Variants in ENTREP2 observed in about 807,000 individuals in gnomAD.
ENTREP2 encodes the protein endosomal transmembrane epsin interactor 2.
the ENTREP2 span, among the ~76,000 whole-genome samples, chr15:29,284,194 C>G: frequency 6.6e-6 from 1 of 152,148 alleles, no homozygotes; most frequent in East Asian, 1.9e-4. Flanking sequence ...TACAAAGCTG[C>G]TGAATTTCCA....
chr15:29,225,885 C>T, the ENTREP2 span, among the ~76,000 whole-genome samples: 1 of 152,222 alleles, frequency 6.6e-6, no homozygotes, highest in Admixed American at 6.5e-5. Flanking sequence ...GAGGTATTGG[C>T]CACGTCCACC....
chr15:29,256,593 A>G, the ENTREP2 span, among the ~76,000 whole-genome samples: 1 of 152,210 alleles, frequency 6.6e-6, no homozygotes. Context: ...TCTACCAGAA[A>G]TAGTCAAATT....
chr15:29,287,383 C>T, the ENTREP2 span, among the ~76,000 whole-genome samples: 566 of 113,042 alleles, frequency 5.0e-3, 4 homozygotes, highest in African/African-American at 0.021. Flanking sequence ...GCAAGACCAG[C>T]AAAAAAAAAA....
chr15:29,356,296 ATTTTTTTTTTTT>A, the ENTREP2 span, among the ~76,000 whole-genome samples: 142 of 34,376 alleles, frequency 4.1e-3, no homozygotes, highest in Non-Finnish European at 6.2e-3. Flanking sequence ...ATATATATAT[ATTTTTTTTTTTT>A]TTTTTTTTTT....
At chr15:29,621,240 T>C in the ENTREP2 span, among the ~76,000 whole-genome samples, 3 of 144,652 alleles carry the variant, frequency 2.1e-5, no homozygotes, top group African/African-American at 7.8e-5. Context: ...ATAAAAAAAA[T>C]AGGCGGGGCA....
chr15:29,129,724 C>T, the ENTREP2 span, among the ~76,000 whole-genome samples: 1 of 152,172 alleles, frequency 6.6e-6, no homozygotes, highest in Admixed American at 6.5e-5. Context: ...TATACCTCCT[C>T]TGCTCTCTGC....
the ENTREP2 span, among the ~76,000 whole-genome samples, chr15:29,224,602 CAG>C: frequency 2.0e-5 from 3 of 152,300 alleles, no homozygotes; most frequent in Admixed American, 6.5e-5. Flanking sequence ...TAGCTAGATA[CAG>C]AGTGTCCACT....
the ENTREP2 span, among the ~76,000 whole-genome samples, chr15:29,285,534 G>C: frequency 1.3e-5 from 2 of 152,160 alleles, no homozygotes; most frequent in African/African-American, 2.4e-5. Context: ...GAATCACAAA[G>C]TTTGAATAAT....
At chr15:29,525,555 C>A in the ENTREP2 span, among the ~76,000 whole-genome samples, 2 of 152,132 alleles carry the variant, frequency 1.3e-5, no homozygotes, top group South Asian at 2.1e-4. Context: ...TACTACCAGG[C>A]AATTAAAGGG....
chr15:29,188,203 G>A, the ENTREP2 span, among the ~76,000 whole-genome samples: 1 of 152,058 alleles, frequency 6.6e-6, no homozygotes, highest in African/African-American at 2.4e-5. Context: ...GAGTGACAGG[G>A]GCACTAGGTA....
the ENTREP2 span, among the ~76,000 whole-genome samples, chr15:29,353,401 T>A: frequency 3.3e-5 from 5 of 152,342 alleles, no homozygotes; most frequent in African/African-American, 1.2e-4. Flanking sequence ...AGGTCCCACC[T>A]GGACGGGCTG....
At chr15:29,234,231 G>C in the ENTREP2 span, 3 of 1,611,632 alleles carry the variant, frequency 1.9e-6, no homozygotes, top group Non-Finnish European at 2.5e-6. Context: ...GGTGGTTGTC[G>C]TAACTCTTCT....
chr15:29,246,973 G>GCGCACACACA, the ENTREP2 span, among the ~76,000 whole-genome samples: 2 of 137,012 alleles, frequency 1.5e-5, no homozygotes, highest in Admixed American at 7.4e-5. Context: ...GACTGGAAAG[G>GCGCACACACA]CACACACACA....
chr15:29,514,924 C>T, the ENTREP2 span, among the ~76,000 whole-genome samples: 4 of 152,166 alleles, frequency 2.6e-5, no homozygotes, highest in East Asian at 1.9e-4. Flanking sequence ...TCCTTCAACA[C>T]GGCAGGATAG....
the ENTREP2 span, among the ~76,000 whole-genome samples, chr15:29,362,684 T>G: frequency 6.6e-6 from 1 of 152,102 alleles, no homozygotes; most frequent in African/African-American, 2.4e-5. Context: ...CCCTTGTTTT[T>G]CATCTTTCTA....
the ENTREP2 span, among the ~76,000 whole-genome samples, chr15:29,384,928 G>A: frequency 1.3e-5 from 2 of 152,176 alleles, no homozygotes; most frequent in African/African-American, 4.8e-5. Context: ...AGCCTGGACA[G>A]ATGGTGAGAA....
chr15:29,550,354 G>A, the ENTREP2 span, among the ~76,000 whole-genome samples: 29 of 152,166 alleles, frequency 1.9e-4, no homozygotes, highest in Admixed American at 1.9e-3. Flanking sequence ...AAAGATGGCA[G>A]AGAAGCTGAA....
chr15:29,158,892 TAC>T, the ENTREP2 span, among the ~76,000 whole-genome samples: 1 of 152,218 alleles, frequency 6.6e-6, no homozygotes, highest in Non-Finnish European at 1.5e-5. Context: ...TGGGCAAAGC[TAC>T]AGTTGATAAA....
chr15:29,141,331 C>A, the ENTREP2 span, among the ~76,000 whole-genome samples: 1 of 152,200 alleles, frequency 6.6e-6, no homozygotes, highest in Middle Eastern at 3.2e-3. Flanking sequence ...GAGTCTCAGT[C>A]CCCTTCCCTG....
Sources: gnomAD v4.1 joint callset for allele counts (sites outside exome capture counted in the v4.1 genomes callset) on GRCh38, gnomAD v4.1.1 for gene constraint, MANE v1.5 for transcripts, NCBI Gene and HGNC (gene_info 2026-07-23, HGNC 2026-07-21) for gene names.